Variants in ARID4B observed in about 807,000 individuals in gnomAD.
ARID4B encodes AT-rich interactive domain-containing protein 4B.
Under a neutral mutation model 147.5 loss-of-function variants are expected in ARID4B, and 26 were observed. The observed-to-expected ratio is 0.18, with a 90% CI of 0.13 to 0.24. The LOEUF is 0.24. Among genes scored for constraint, ARID4B ranks in the 10% least tolerant of loss-of-function variants. ARID4B has a pLI of 1.00. For synonymous variants in ARID4B, 512 were observed against 507.9 expected, an observed-to-expected ratio of 1.01 and a Z score of -0.11; for missense variants, 1,179 against 1,511.5, an observed-to-expected ratio of 0.78 and a Z score of 3.65.
intron 2 of ARID4B, among the ~76,000 whole-genome samples, chr1:235,277,549 A>ATAAT (rs542084094): frequency 0.059 from 8,511 of 144,082 alleles, 387 homozygotes; most frequent in Non-Finnish European, 0.079. Context: ...AAAAAAAAAA[A>ATAAT]AATAATAATA....
At position 235,270,649 on chromosome 1, in the gene ARID4B, A is replaced by G. The variant is rs942172169; in HGVS notation, c.7-9897T>C. ...AGGCAAGAGAGAAATTGGGAGAGACATTATTAAAAGCCAACTATACTTAAG... is the reference window on the plus strand; with the variant it reads ...AGGCAAGAGAGAAATTGGGAGAGACGTTATTAAAAGCCAACTATACTTAAG... On this transcript the variant is annotated intron_variant, in intron 2 of 23. Coordinates refer to ENST00000264183, the MANE Select transcript of ARID4B (RefSeq NM_016374.6). Among the ~76,000 whole-genome samples, 53 of 152,252 alleles carry G rather than the reference A, an allele frequency of 3.5e-4. 1 individual carries two copies. Among genetic ancestry groups the G allele is most frequent in the Non-Finnish European group, 1.5e-5 (1 of 68,044 alleles).
intron 19 of ARID4B, among the ~76,000 whole-genome samples, chr1:235,192,658 A>AT (rs1225149064): frequency 6.6e-6 from 1 of 151,974 alleles, no homozygotes; most frequent in Non-Finnish European, 1.5e-5. Context: ...ATGAGAAATG[A>AT]TAAGATATTT....
chr1:235,291,864 G>A (rs1672359400), intron 2 of ARID4B, among the ~76,000 whole-genome samples: 1 of 152,156 alleles, frequency 6.6e-6, no homozygotes, highest in Admixed American at 6.5e-5. Context: ...TTTACAAGCT[G>A]AAAGTAAAGG....
rs1055273467 is a variant in ARID4B, at chr1:235,245,377, T to C, written c.446+1043A>G. ...AACAGATCATAATTTTTAGTCACATTTGCAGGTCAATATTACGTGATATTG... is the reference window on the plus strand; with the variant it reads ...AACAGATCATAATTTTTAGTCACATCTGCAGGTCAATATTACGTGATATTG... On this transcript the variant is annotated intron_variant, in intron 7 of 23. Transcript: ENST00000264183. Among the ~76,000 whole-genome samples the C allele has an allele frequency of 2.0e-5, 3 of 152,184 alleles. No individual in the cohort carries two copies. The South Asian group carries it at 6.2e-4, about 31-fold the overall frequency.
chr1:235,170,347 A>G (rs1172131963), intron 23 of ARID4B, among the ~76,000 whole-genome samples: 1 of 152,206 alleles, frequency 6.6e-6, no homozygotes. Flanking sequence ...CTCTTTACAG[A>G]AAATGTTTGC....
At chr1:235,304,865 G>A (rs565262661) in intron 2 of ARID4B, among the ~76,000 whole-genome samples, 46 of 152,242 alleles carry the variant, frequency 3.0e-4, no homozygotes, top group African/African-American at 1.0e-3. Context: ...TTCCTTTGTG[G>A]TAAATAGTAA....
rs137974273 is a variant in ARID4B at position 235,182,517 on chromosome 1, G to A, written c.2402C>T (p.Thr801Ile). 1.9e-4 allele frequency: 312 copies of A among 1,611,326 alleles called. No homozygotes were observed. In the African/African-American group the frequency reaches 3.6e-3, roughly 19 times the overall value. The change falls in exon 20 of 24, where the codon ACA becomes ATA. Residue 801 changes from threonine (T) to isoleucine (I), a missense_variant. Around this residue, in one of 10 missense-constraint regions of ARID4B, gnomAD observed 321 missense variants for 342.4 expected, o/e 0.94. Coordinates refer to ENST00000264183, the MANE Select transcript of ARID4B (RefSeq NM_016374.6). ...EDTDYEEDEV[T>I]KKRKDVKKDT... ...CTTCTTGACATCCTTTCTCTTTTTT[G>A]TGACTTCATCTTCTTCATAATCAGT...
Position 235,220,304 on chromosome 1 carries a change from G to A in ARID4B, c.1405C>T (p.Leu469=). 6.3e-7 allele frequency: 1 copy of A among 1,596,434 alleles called. No individual in the cohort carries two copies. The highest frequency in any genetic ancestry group is 8.5e-7 in the Non-Finnish European group (1 of 1,173,880). Reference sequence around the variant, plus strand: ...ACAATTAACAATATCTGATTTACCAGAGAGGGCTTAATATTTTCTTTTCTT... The same window carrying A: ...ACAATTAACAATATCTGATTTACCAAAGAGGGCTTAATATTTTCTTTTCTT... ...IERKENIKPS[L]GSKKNLLESI... The change falls in exon 15 of 24, where the codon CTG becomes TTG. Residue 469 remains leucine, a splice_region_variant and synonymous_variant. Coordinates refer to ENST00000264183, the MANE Select transcript of ARID4B (RefSeq NM_016374.6).
In ARID4B at chr1:235,196,064, A is replaced by C; in HGVS notation, c.1893T>G (p.Asn631Lys). 1.2e-6 allele frequency: 2 copies of C among 1,602,430 alleles called. No homozygotes were observed. Among genetic ancestry groups the C allele is most frequent in the Non-Finnish European group, 1.7e-6 (2 of 1,174,876 alleles). The change falls in exon 18 of 24, where the codon AAT (asparagine) becomes AAG (lysine). Residue 631 changes from asparagine (N) to lysine (K), a missense_variant. By Grantham distance (94) the Asn-to-Lys change is moderately conservative. Around this residue, in one of 10 missense-constraint regions of ARID4B, gnomAD observed 321 missense variants for 342.4 expected, o/e 0.94. Transcript: ENST00000264183. ...ADKIVRPADKNVPKIKHRKKI... is the reference protein window; with the variant it reads ...ADKIVRPADKKVPKIKHRKKI... The stretch of plus-strand genomic sequence containing the variant: ...TCTTCCGATGTTTTATCTTTGGCAC[A>C]TTTTTATCAGCAGGTCTTACTATTT...
intron 2 of ARID4B, among the ~76,000 whole-genome samples, chr1:235,270,264 C>G (rs925295996): frequency 1.3e-5 from 2 of 152,086 alleles, no homozygotes; most frequent in Admixed American, 1.3e-4. Context: ...GCCCGGGCGA[C>G]AGAGAGAGAC....
intron 2 of ARID4B, among the ~76,000 whole-genome samples, chr1:235,294,112 C>T (rs952815918): frequency 1.3e-5 from 2 of 151,836 alleles, no homozygotes; most frequent in Non-Finnish European, 2.9e-5. Flanking sequence ...AATTATAAAA[C>T]GCAATATATA....
chr1:235,169,558 C>T lies in ARID4B; in HGVS notation c.3812-906G>A, dbSNP rs1399680984. Among the ~76,000 whole-genome samples the T allele has an allele frequency of 5.5e-5, 8 of 145,508 alleles. No individual in the cohort carries two copies. The East Asian group carries it at 8.2e-4, about 15-fold the overall frequency. ...GCCCAGCCTGTTTGTTTTTTTGAGA[C>T]GGAGTCTCACTCTGTCGCCCAGGCT... On this transcript the variant is annotated intron_variant, in intron 23 of 23. Transcript: ENST00000264183.
chr1:235,235,468 G>A (rs920228371), intron 8 of ARID4B, among the ~76,000 whole-genome samples: 5 of 152,214 alleles, frequency 3.3e-5, no homozygotes, highest in African/African-American at 1.2e-4. Context: ...AACTGCACAT[G>A]TGATAGCTTT....
rs1663778452 is a variant in ARID4B at position 235,175,242 on chromosome 1, A to G, written c.3606T>C (p.Pro1202=). Residue 1202 remains proline (P), a synonymous_variant, in exon 22 of 24, where the codon CCT becomes CCC. Coordinates refer to ENST00000264183, the MANE Select transcript of ARID4B (RefSeq NM_016374.6). ...ATCGATTACTGGGTTCCTTGAGATC[A>G]GGATCCTTATCACCATTCTTTCCAC... ...GKCGKNGDKD[P]DLKEPSNRLP... The G allele has an allele frequency of 2.5e-6, 4 of 1,614,104 alleles. No individual in the cohort carries two copies. Among genetic ancestry groups the G allele is most frequent in the South Asian group, 1.1e-5 (1 of 91,090 alleles).
At chr1:235,254,163 C>T (rs1275838494) in intron 5 of ARID4B, among the ~76,000 whole-genome samples, 1 of 152,046 alleles carries the variant, frequency 6.6e-6, no homozygotes, top group Admixed American at 6.5e-5. Flanking sequence ...CAAATATTTC[C>T]TTATGTCTCA....
intron 10 of ARID4B, 142 bp from the exon 11 acceptor site, chr1:235,229,527 T>A: frequency 1.6e-6 from 1 of 631,372 alleles, no homozygotes; most frequent in Non-Finnish European, 2.7e-6. Flanking sequence ...GAAACTGTGT[T>A]AAGTGCTTTT....
intron 2 of ARID4B, among the ~76,000 whole-genome samples, chr1:235,321,256 A>G (rs1191818153): frequency 6.6e-6 from 1 of 152,184 alleles, no homozygotes; most frequent in African/African-American, 2.4e-5. Context: ...TTACCTATTC[A>G]TCTAAAGGAC....
intron 8 of ARID4B, among the ~76,000 whole-genome samples, chr1:235,236,129 T>A (rs1351548843): frequency 6.6e-6 from 1 of 152,008 alleles, no homozygotes; most frequent in Non-Finnish European, 1.5e-5. Context: ...ACACTTTGAA[T>A]TTACTCGATT....
chr1:235,284,144 T>C (rs1341692243), intron 2 of ARID4B, among the ~76,000 whole-genome samples: 4 of 152,142 alleles, frequency 2.6e-5, no homozygotes, highest in African/African-American at 4.8e-5. Context: ...GGCAGATCAC[T>C]GAAGGTCGGA....
Sources: allele counts gnomAD v4.1 joint callset (sites outside exome capture counted in the v4.1 genomes callset), GRCh38; gene constraint gnomAD v4.1.1; regional missense constraint gnomAD v4.1.1; transcripts MANE v1.5; gene names NCBI Gene and HGNC (gene_info 2026-07-23, HGNC 2026-07-21).